Variants in AP1G1 observed in about 807,000 individuals in gnomAD.
The protein encoded by AP1G1 is adaptor related protein complex 1 subunit gamma 1.
A neutral mutation model predicts 108.3 loss-of-function variants in AP1G1; 7 were observed. That is an observed-to-expected ratio of 0.06 (90% CI 0.04 to 0.12). AP1G1 has a LOEUF of 0.12. Among genes scored for constraint, AP1G1 ranks in the 10% least tolerant of loss-of-function variants. AP1G1 has a pLI of 1.00. For missense variants in AP1G1, 756 were observed against 1,010.7 expected (o/e 0.75, Z 3.42); for synonymous variants, 379 against 353.5 (o/e 1.07, Z -0.81).
intron 21 of AP1G1, 32 bp from the exon 22 acceptor site, chr16:71,734,739 A>G: frequency 1.3e-6 from 2 of 1,559,326 alleles, no homozygotes; most frequent in Non-Finnish European, 1.8e-6. Context: ...TCTTCAGAAA[A>G]AGAATTACAC....
intron 1 of AP1G1, chr16:71,808,412 G>GGGGTGGGGCCCGCCC (rs1304630422): frequency 9.0e-7 from 1 of 1,105,064 alleles, no homozygotes. Flanking sequence ...AAGACACGCG[G>GGGGTGGGGCCCGCCC]GGGTGGGGCC....
At chr16:71,748,905 T>G (rs975410718) in intron 15 of AP1G1, among the ~76,000 whole-genome samples, 3 of 151,694 alleles carry the variant, frequency 2.0e-5, no homozygotes, top group Admixed American at 6.6e-5. Context: ...GTTTTGTTTT[T>G]TTTTTGTTTT....
chr16:71,787,567 T>A (rs1260071685), intron 2 of AP1G1, among the ~76,000 whole-genome samples: 1 of 152,194 alleles, frequency 6.6e-6, no homozygotes, highest in Non-Finnish European at 1.5e-5. Context: ...TAATAATGCT[T>A]ATCGCTGAGG....
intron 11 of AP1G1, 65 bp from the exon 12 acceptor site, chr16:71,756,224 G>A: frequency 6.7e-7 from 1 of 1,485,910 alleles, no homozygotes; most frequent in Non-Finnish European, 9.1e-7. Context: ...AAAGACCCAG[G>A]TATGCACTCT....
chr16:71,773,466 A>G, intron 3 of AP1G1, 104 bp from the exon 4 acceptor site: 1 of 1,142,998 alleles, frequency 8.7e-7, no homozygotes, highest in Non-Finnish European at 1.2e-6. Flanking sequence ...TCCAATAACA[A>G]AAACAATAGG....
intron 21 of AP1G1, 143 bp downstream of exon 21, chr16:71,738,799 C>A: frequency 1.4e-6 from 1 of 728,290 alleles, no homozygotes; most frequent in Non-Finnish European, 2.2e-6. Context: ...TTCCATGAAC[C>A]ATAAGCTACA....
chr16:71,764,253 A>G (rs2031224624), intron 9 of AP1G1, 97 bp downstream of exon 9: 1 of 655,138 alleles, frequency 1.5e-6, no homozygotes, highest in Non-Finnish European at 2.5e-6. Flanking sequence ...CTTAAAGTCG[A>G]GTTCCAAATG....
At chr16:71,767,907 A>G in intron 6 of AP1G1, 1 of 1,598,918 alleles carries the variant, frequency 6.3e-7, no homozygotes, top group Non-Finnish European at 8.5e-7. Flanking sequence ...CAGGATTCCA[A>G]ACAGACAACA....
chr16:71,780,951 G>A (rs562042868), intron 2 of AP1G1, among the ~76,000 whole-genome samples: 3 of 151,898 alleles, frequency 2.0e-5, no homozygotes, highest in East Asian at 1.9e-4. Context: ...CTAAAGTGCT[G>A]GAATTACATG....
intron 5 of AP1G1, 38 bp from the exon 6 acceptor site, chr16:71,769,737 C>G: frequency 6.6e-7 from 1 of 1,522,836 alleles, no homozygotes. Context: ...AAAATGAGGC[C>G]TATTATTCAA....
intron 19 of AP1G1, among the ~76,000 whole-genome samples, chr16:71,740,766 A>G (rs2045609347): frequency 6.6e-6 from 1 of 152,260 alleles, no homozygotes; most frequent in African/African-American, 2.4e-5. Flanking sequence ...CCAATGTTAA[A>G]CACTACTTTA....
At chr16:71,778,889 G>A (rs927809651) in intron 2 of AP1G1, among the ~76,000 whole-genome samples, 1 of 152,010 alleles carries the variant, frequency 6.6e-6, no homozygotes, top group African/African-American at 2.4e-5. Context: ...AAGGAAAAAA[G>A]TAATCAATTA....
At chr16:71,808,682 AAGGAAGCTTCCGGTCG>A in intron 1 of AP1G1, 65 bp downstream of exon 1, 1 of 1,287,426 alleles carries the variant, frequency 7.8e-7, no homozygotes, top group Non-Finnish European at 1.0e-6. Flanking sequence ...CTGAAACTGA[AAGGAAGCTTCCGGTCG>A]AGCGCCCGCG....
intron 2 of AP1G1, among the ~76,000 whole-genome samples, chr16:71,787,940 T>C (rs2032267316): frequency 6.6e-6 from 1 of 152,262 alleles, no homozygotes; most frequent in African/African-American, 2.4e-5. Context: ...ACTATATTGA[T>C]GACCCAGCAG....
intron 12 of AP1G1, among the ~76,000 whole-genome samples, chr16:71,755,559 T>C (rs77392989): frequency 0.14 from 21,083 of 152,284 alleles, 1,877 homozygotes; most frequent in East Asian, 0.22. Flanking sequence ...CTGGCTATAA[T>C]AGCCTTCTCC....
chr16:71,777,427 G>C (rs2031831706), intron 2 of AP1G1, among the ~76,000 whole-genome samples: 1 of 152,076 alleles, frequency 6.6e-6, no homozygotes, highest in Non-Finnish European at 1.5e-5. Context: ...AGTGAGGGTG[G>C]AGGGGTCAGT....
intron 7 of AP1G1, 97 bp downstream of exon 7, chr16:71,765,392 A>C: frequency 1.3e-6 from 1 of 793,540 alleles, no homozygotes; most frequent in Non-Finnish European, 2.0e-6. Context: ...ATTAACTACC[A>C]AATTTCTACT....
chr16:71,749,755 C>A, intron 15 of AP1G1, 139 bp downstream of exon 15: 1 of 694,348 alleles, frequency 1.4e-6, no homozygotes, highest in Non-Finnish European at 2.5e-6. Flanking sequence ...CCTCCCAAAG[C>A]GCTGGGATTA....
At chr16:71,736,108 AAAAAAAAAAATATATATAT>A (rs933601891) in intron 21 of AP1G1, among the ~76,000 whole-genome samples, 2 of 76,212 alleles carry the variant, frequency 2.6e-5, no homozygotes, top group African/African-American at 1.1e-4. Flanking sequence ...CAAAAAAAAA[AAAAAAAAAAATATATATAT>A]ATATATATAT....
Sources: gnomAD v4.1 joint callset for allele counts (sites outside exome capture counted in the v4.1 genomes callset) on GRCh38, gnomAD v4.1.1 for gene constraint, MANE v1.5 for transcripts, NCBI Gene and HGNC (gene_info 2026-07-23, HGNC 2026-07-21) for gene names.